The following NMT1 variants were observed in gnomAD, a reference collection of about 807,000 sequenced individuals.
The protein encoded by NMT1 is glycylpeptide N-tetradecanoyltransferase 1.
Under a neutral mutation model 63.4 loss-of-function variants are expected in NMT1, and 12 were observed. The ratio of observed to expected loss-of-function variants is 0.19; its 90% CI spans 0.12 to 0.31. The LOEUF is 0.31. Among genes scored for constraint, NMT1 ranks in the 10% least tolerant of loss-of-function variants. The pLI, the probability that NMT1 is intolerant of heterozygous loss-of-function variation, is 1.00. For synonymous variants in NMT1, 228 were observed against 234.3 expected (o/e 0.97, Z 0.25); for missense variants, 432 against 634.6 (o/e 0.68, Z 3.43).
At chr17:45,066,853 T>C (rs1282710987) in intron 1 of NMT1, among the ~76,000 whole-genome samples, 2 of 152,072 alleles carry the variant, frequency 1.3e-5, no homozygotes, top group East Asian at 3.9e-4. Flanking sequence ...GCTAGGATTG[T>C]AGACATGCAC....
chr17:45,078,389 T>C (rs2143473853), intron 1 of NMT1, among the ~76,000 whole-genome samples: 1 of 152,254 alleles, frequency 6.6e-6, no homozygotes, highest in Non-Finnish European at 1.5e-5. Context: ...GAAGTCTGGA[T>C]GTGAGCATTC....
At chr17:45,064,388 A>G (rs4128658) in intron 1 of NMT1, among the ~76,000 whole-genome samples, 23,414 of 152,106 alleles carry the variant, frequency 0.15, 2,082 homozygotes, top group Non-Finnish European at 0.2. Context: ...TGGAGGAGAG[A>G]GTCTAATTCT....
rs555107771 is a variant in NMT1 at position 45,105,583 on chromosome 17, C to A, written c.1471-36C>A. 7 of 1,612,670 alleles carry A rather than the reference C, an allele frequency of 4.3e-6. No individual in the cohort carries two copies. The South Asian group carries it at 7.7e-5, about 18-fold the overall frequency. Reference sequence around the variant, plus strand: ...TGTGGGAGAGTCTTTGGGCCACTGTCAACTCAGCTCTGCCTCTCCCTGTTG... The same window carrying A: ...TGTGGGAGAGTCTTTGGGCCACTGTAAACTCAGCTCTGCCTCTCCCTGTTG... On this transcript the variant is annotated intron_variant, in intron 11 of 11. Transcript: ENST00000258960. This position sits in a 1 kb window ranked among gnomAD's most constrained non-coding sequence, Gnocchi z 4.2.
At position 45,103,886 on chromosome 17, in the gene NMT1, A is replaced by G. The variant is rs151166269; in HGVS notation, c.1332+10A>G. 2.0e-4 allele frequency: 328 copies of G among 1,613,430 alleles called. No homozygotes were observed. In the African/African-American group the frequency reaches 3.8e-3, roughly 19 times the overall value. On this transcript the variant is annotated intron_variant, in intron 10 of 11. Coordinates refer to ENST00000258960, the MANE Select transcript of NMT1 (RefSeq NM_021079.5). The surrounding 1 kb of genome is among the most constrained non-coding windows in gnomAD (Gnocchi z 4.8). ...TGTCCTCGCCAAAATGGTGAGGAGC[A>G]GACGGGGGGGTCTCTGGAGATGTGC...
chr17:45,094,398 C>A (rs950644421), intron 4 of NMT1, among the ~76,000 whole-genome samples: 3 of 150,076 alleles, frequency 2.0e-5, no homozygotes, highest in Non-Finnish European at 4.4e-5. Context: ...GAGGCTGAGG[C>A]AGGAGAATCT....
At chr17:45,064,891 C>G (rs534471384) in intron 1 of NMT1, among the ~76,000 whole-genome samples, 1 of 152,230 alleles carries the variant, frequency 6.6e-6, no homozygotes, top group East Asian at 1.9e-4. Flanking sequence ...GTACTTAACT[C>G]AGAGTTGTAG....
chr17:45,061,329 G>A lies in NMT1; in HGVS notation c.-1G>A, dbSNP rs1346180677. The A allele has an allele frequency of 8.7e-6, 14 of 1,613,372 alleles. No individual in the cohort carries two copies. The highest frequency in any genetic ancestry group is 1.1e-5 in the South Asian group (1 of 91,016). On this transcript the variant is annotated 5_prime_UTR_variant, in exon 1 of 12. Transcript: ENST00000258960. ...GCGGAGCCCTGCTCTCGCAACTCAA[G>A]ATGGCGGACGAGAGTGAGACAGCAG...
chr17:45,100,644 G>C (rs1259485578), intron 8 of NMT1, among the ~76,000 whole-genome samples: 1 of 150,690 alleles, frequency 6.6e-6, no homozygotes, highest in Non-Finnish European at 1.5e-5. Context: ...GGCGGATCAC[G>C]AGGTCAGGAG....
Position 45,086,576 on chromosome 17 carries a change from G to C in NMT1, c.309G>C (p.Gln103His), listed in dbSNP as rs771371139. 1.2e-6 allele frequency: 2 copies of C among 1,613,704 alleles called. No homozygotes were observed. ...QKAIELFSVG[Q>H]GPAKTMEEAS... The stretch of plus-strand genomic sequence containing the variant: ...CCATTGAGCTGTTCTCAGTGGGTCA[G>C]GGACCTGCCAAAACCATGGAGGAGG... Residue 103 changes from glutamine (Q) to histidine (H), a missense_variant, in exon 3 of 12, where the codon CAG becomes CAC. Transcript: ENST00000258960.
In NMT1 at chr17:45,104,844, C is replaced by T; in HGVS notation, c.1333-15C>T. ...CTGTCCTCACCTGTTCTTGTTTGTC[C>T]CTGCTGCTTTGCAGAAAGGGTTTGA... is the stretch of plus-strand genomic sequence containing the variant. On this transcript the variant is annotated splice_polypyrimidine_tract_variant and intron_variant, in intron 10 of 11. Coordinates refer to ENST00000258960, the MANE Select transcript of NMT1 (RefSeq NM_021079.5). This position sits in a 1 kb window ranked among gnomAD's most constrained non-coding sequence, Gnocchi z 4.2. 1.9e-6 allele frequency: 3 copies of T among 1,614,052 alleles called. No homozygotes were observed. The highest frequency in any genetic ancestry group is 2.7e-5 in the African/African-American group (2 of 75,030).
chr17:45,074,549 C>G (rs1307627753), intron 1 of NMT1, among the ~76,000 whole-genome samples: 1 of 152,114 alleles, frequency 6.6e-6, no homozygotes, highest in African/African-American at 2.4e-5. Context: ...CTTTTCTGCT[C>G]TGTTCCTGGA....
intron 1 of NMT1, 186 bp downstream of exon 1, chr17:45,061,646 T>C: frequency 8.7e-6 from 5 of 572,878 alleles, no homozygotes. Flanking sequence ...CTCTGGATAT[T>C]AAGGGCCGGA....
At chr17:45,092,850 C>T (rs906386720) in intron 3 of NMT1, among the ~76,000 whole-genome samples, 7 of 152,194 alleles carry the variant, frequency 4.6e-5, no homozygotes, top group Admixed American at 3.9e-4. Context: ...CTTTTGAAGA[C>T]TCCATTTTCC....
chr17:45,067,006 T>C (rs1296129916), intron 1 of NMT1, among the ~76,000 whole-genome samples: 1 of 152,204 alleles, frequency 6.6e-6, no homozygotes, highest in African/African-American at 2.4e-5. Flanking sequence ...GGGCATAAGC[T>C]CCTGCATCCA....
At position 45,096,271 on chromosome 17, in the gene NMT1, G is replaced by A. The variant is rs146345914; in HGVS notation, c.582G>A (p.Pro194=). The change falls in exon 5 of 12, where the codon CCG becomes CCA. Residue 194 remains proline, a synonymous_variant. Transcript: ENST00000258960. The part of the protein sequence containing the change: ...DDNMFRFDYS[P]EFLLWALRPP... Reference sequence around the variant, plus strand: ...ACATGTTCCGATTTGATTATTCCCCGGAGTTTCTTTTGTGGTAAGTTGTGG... The same window carrying A: ...ACATGTTCCGATTTGATTATTCCCCAGAGTTTCTTTTGTGGTAAGTTGTGG... 2.0e-3 allele frequency: 3,298 copies of A among 1,613,784 alleles called. 9 individuals carry two copies. The highest frequency in any genetic ancestry group is 1.7e-3 in the Non-Finnish European group (2,035 of 1,179,706).
At chr17:45,066,647 C>G (rs190935495) in intron 1 of NMT1, among the ~76,000 whole-genome samples, 386 of 152,080 alleles carry the variant, frequency 2.5e-3, no homozygotes, top group Non-Finnish European at 4.7e-3. Flanking sequence ...TACATGCATA[C>G]ATATGCAGTG....
Position 45,103,061 on chromosome 17 carries a change from G to C in NMT1, c.1104G>C (p.Gln368His). 1.9e-6 allele frequency: 3 copies of C among 1,614,024 alleles called. No homozygotes were observed. The highest frequency in any genetic ancestry group is 2.5e-6 in the Non-Finnish European group (3 of 1,179,922). ...TTCACCTTACGCCCGTCATGAGCCA[G>C]GAGGAGGTGGAGCACTGGTTCTACC... ...KQFHLTPVMSQEEVEHWFYPQ... is the reference protein window; with the variant it reads ...KQFHLTPVMSHEEVEHWFYPQ... The change falls in exon 9 of 12, where the codon CAG becomes CAC. Residue 368 changes from glutamine (Q) to histidine (H), a missense_variant. Coordinates refer to ENST00000258960, the MANE Select transcript of NMT1 (RefSeq NM_021079.5). This position sits in a 1 kb window ranked among gnomAD's most constrained non-coding sequence, Gnocchi z 4.8.
At chr17:45,098,345 T>A (rs1424094316) in intron 6 of NMT1, 37 bp from the exon 7 acceptor site, 1 of 1,600,894 alleles carries the variant, frequency 6.2e-7, no homozygotes, top group Admixed American at 1.7e-5. Flanking sequence ...CCCTTCCCTG[T>A]TAAAAACCTT....
In NMT1 at chr17:45,105,728, G is replaced by GT; in HGVS notation, c.*90dup. On this transcript the variant is annotated 3_prime_UTR_variant, in exon 12 of 12. Coordinates refer to ENST00000258960, the MANE Select transcript of NMT1 (RefSeq NM_021079.5). The surrounding 1 kb of genome is among the most constrained non-coding windows in gnomAD (Gnocchi z 4.2). ...CACTGTTGGTCCAATTTTCACACAC[G>GT]TGAGAATCCCTGGCAAAGGGAGCAG... The GT allele has an allele frequency of 7.5e-7, 1 of 1,341,212 alleles. No individual in the cohort carries two copies. Among genetic ancestry groups the GT allele is most frequent in the South Asian group, 1.2e-5 (1 of 83,276 alleles). The allele number at this position is 1,341,212 out of a possible 1,614,324, so 83.1% of individuals were successfully genotyped here. A position where few individuals can be genotyped will look rare whatever the true frequency, so the allele number is the denominator to read the frequency against.
Sources: gnomAD v4.1 joint callset for allele counts (sites outside exome capture counted in the v4.1 genomes callset) on GRCh38, gnomAD v4.1.1 for gene constraint, Gnocchi (gnomAD v3.1) non-coding constraint, MANE v1.5 for transcripts, NCBI Gene and HGNC (gene_info 2026-07-23, HGNC 2026-07-21) for gene names.